Variants in TRAPPC8 observed in about 807,000 individuals in gnomAD.
The protein encoded by TRAPPC8 is general sporulation gene 1 homolog.
Under a neutral mutation model 174.3 loss-of-function variants are expected in TRAPPC8, and 54 were observed. The ratio of observed to expected loss-of-function variants is 0.31; its 90% CI spans 0.25 to 0.39. The LOEUF is 0.39. TRAPPC8 is among the 10% of genes least tolerant of loss of function. TRAPPC8 has a pLI of 1.00. For synonymous variants in TRAPPC8, 630 were observed against 579.9 expected (o/e 1.09, Z -1.24); for missense variants, 1,531 against 1,699.1 (o/e 0.90, Z 1.74).
rs34877961 is a variant in TRAPPC8 at position 31,852,465 on chromosome 18, A to G, written c.3542T>C (p.Ile1181Thr). ...GCATACCTGTTCATTTCCAAAGATG[A>G]TATCTGCAAAGGTATATTTTTCAGA... ...QSSEKYTFAD[I>T]IFGNEQIISS... is the part of the protein sequence containing the mutation. Residue 1181 changes from isoleucine to threonine, a missense_variant, in exon 24 of 29, where the codon ATC becomes ACC. By Grantham distance (89) the Ile-to-Thr change is moderately conservative. Coordinates refer to ENST00000283351, the MANE Select transcript of TRAPPC8 (RefSeq NM_014939.5). 1.4e-4 allele frequency: 223 copies of G among 1,614,186 alleles called. No individual in the cohort carries two copies. The African/African-American group carries it at 1.7e-3, about 13-fold the overall frequency.
intron 2 of TRAPPC8, among the ~76,000 whole-genome samples, chr18:31,919,416 C>G (rs548142029): frequency 8.9e-4 from 135 of 151,368 alleles, no homozygotes; most frequent in Middle Eastern, 3.4e-3. Context: ...TTGTGCAATC[C>G]CAGCTATTCG....
rs773799878 is a variant in TRAPPC8 at position 31,857,644 on chromosome 18, G to C, written c.3084C>G (p.Ala1028=). 4 of 1,613,990 alleles carry C rather than the reference G, an allele frequency of 2.5e-6. No homozygotes were observed. The highest frequency in any genetic ancestry group is 1.7e-5 in the Admixed American group (1 of 59,998). ...PLPDTVLLPG[A]SVQLPMWLRG... is the part of the protein sequence containing the mutation. ...GTAACCACATTGGCAGCTGCACTGA[G>C]GCTCCGGGTAGAAGAACAGTGTCAG... is the stretch of plus-strand genomic sequence containing the variant. Residue 1028 remains alanine, a synonymous_variant, in exon 20 of 29, where the codon GCC becomes GCG. Coordinates refer to ENST00000283351, the MANE Select transcript of TRAPPC8 (RefSeq NM_014939.5).
chr18:31,928,358 C>G (rs1246992705), intron 2 of TRAPPC8, among the ~76,000 whole-genome samples: 2 of 150,950 alleles, frequency 1.3e-5, no homozygotes, highest in African/African-American at 2.4e-5. Flanking sequence ...CACACACACA[C>G]ACACACACAG....
intron 9 of TRAPPC8, among the ~76,000 whole-genome samples, chr18:31,901,305 A>T (rs1001739483): frequency 1.3e-5 from 2 of 152,180 alleles, no homozygotes; most frequent in African/African-American, 4.8e-5. Flanking sequence ...GAAACCTCCA[A>T]GTAGCACTGT....
At chr18:31,838,622 C>T (rs1456773656) in intron 27 of TRAPPC8, among the ~76,000 whole-genome samples, 2 of 152,206 alleles carry the variant, frequency 1.3e-5, no homozygotes, top group Non-Finnish European at 2.9e-5. Flanking sequence ...ATTCTACCCT[C>T]TATACAGTGG....
At chr18:31,932,883 G>A (rs1208357553) in intron 1 of TRAPPC8, among the ~76,000 whole-genome samples, 2 of 151,718 alleles carry the variant, frequency 1.3e-5, no homozygotes, top group African/African-American at 4.8e-5. Context: ...TGGGGACGCT[G>A]AGGCAGGAGA....
intron 5 of TRAPPC8, among the ~76,000 whole-genome samples, chr18:31,910,130 G>A (rs2036846529): frequency 6.6e-6 from 1 of 152,174 alleles, no homozygotes; most frequent in Admixed American, 6.5e-5. Flanking sequence ...GACTACTAGA[G>A]TCAGACGGGG....
At chr18:31,879,842 T>C (rs2035330046) in intron 12 of TRAPPC8, among the ~76,000 whole-genome samples, 1 of 151,588 alleles carries the variant, frequency 6.6e-6, no homozygotes, top group East Asian at 1.9e-4. Context: ...TGAACCTCTA[T>C]GCACACAAAC....
intron 26 of TRAPPC8, among the ~76,000 whole-genome samples, chr18:31,843,304 C>T (rs1944074590): frequency 6.6e-6 from 1 of 152,054 alleles, no homozygotes; most frequent in South Asian, 2.1e-4. Context: ...TTTTACCATT[C>T]ATTAAGTGAG....
chr18:31,920,057 T>C (rs1019584508), intron 2 of TRAPPC8, among the ~76,000 whole-genome samples: 32 of 152,272 alleles, frequency 2.1e-4, no homozygotes, highest in African/African-American at 6.7e-4. Flanking sequence ...CTAATGCATA[T>C]GTAGTACCAA....
chr18:31,937,199 C>T (rs930434528), intron 1 of TRAPPC8, among the ~76,000 whole-genome samples: 6 of 151,890 alleles, frequency 4.0e-5, no homozygotes, highest in East Asian at 3.9e-4. Flanking sequence ...GGTGACAGAG[C>T]GAGACTCCGT....
intron 26 of TRAPPC8, among the ~76,000 whole-genome samples, chr18:31,843,572 T>C (rs1053531554): frequency 6.6e-6 from 1 of 152,204 alleles, no homozygotes. Context: ...GTGCAAACTA[T>C]TAGTATGACT....
At chr18:31,858,799 A>C (rs919444354) in intron 19 of TRAPPC8, among the ~76,000 whole-genome samples, 2 of 152,222 alleles carry the variant, frequency 1.3e-5, no homozygotes, top group Admixed American at 6.5e-5. Context: ...AAGATCTTTA[A>C]GTATACTGGC....
chr18:31,888,754 C>CTAGGGTG (rs2035831879), intron 12 of TRAPPC8, among the ~76,000 whole-genome samples: 1 of 152,054 alleles, frequency 6.6e-6, no homozygotes, highest in African/African-American at 2.4e-5. Flanking sequence ...ACACTGGGGC[C>CTAGGGTG]TGTTGAGGGG....
Position 31,870,956 on chromosome 18 carries a change from T to C in TRAPPC8, c.2227A>G (p.Asn743Asp). Reference protein sequence around the residue: ...TQYCLNSYSDNSRFPLAVVEE... With the variant: ...TQYCLNSYSDDSRFPLAVVEE... ...ACAACTGCAAGTGGAAATCTTGAATTATCTGAGTAACTGTTCAAACAGTAT... is the reference window on the plus strand; with the variant it reads ...ACAACTGCAAGTGGAAATCTTGAATCATCTGAGTAACTGTTCAAACAGTAT... The change falls in exon 15 of 29, where the codon AAT becomes GAT. Residue 743 changes from asparagine to aspartate, a missense_variant. By Grantham distance (23) the Asn-to-Asp change is conservative (BLOSUM62 1). Transcript: ENST00000283351. 6.3e-7 allele frequency: 1 copy of C among 1,578,364 alleles called. No homozygotes were observed. Among genetic ancestry groups the C allele is most frequent in the Non-Finnish European group, 8.6e-7 (1 of 1,159,664 alleles).
At chr18:31,903,603 G>A (rs966862242) in intron 9 of TRAPPC8, among the ~76,000 whole-genome samples, 2 of 152,084 alleles carry the variant, frequency 1.3e-5, no homozygotes, top group Non-Finnish European at 2.9e-5. Flanking sequence ...AGCTCACAAC[G>A]GCTTGCCTTA....
Position 31,840,877 on chromosome 18 carries a change from A to G in TRAPPC8, c.3838-1420T>C, listed in dbSNP as rs544222124. ...CCCATTAACAACTAACAAATTAACC[A>G]TATTATATTCAAGTAACACCCTGGG... On this transcript the variant is annotated intron_variant, in intron 26 of 28. Transcript: ENST00000283351. Among the ~76,000 whole-genome samples the G allele has an allele frequency of 1.8e-4, 27 of 152,172 alleles. No individual in the cohort carries two copies. In the South Asian group the frequency reaches 3.3e-3, roughly 19 times the overall value.
intron 1 of TRAPPC8, among the ~76,000 whole-genome samples, chr18:31,934,987 T>TAAATAAATAAATAAATAAAA (rs760644949): frequency 2.1e-5 from 3 of 146,084 alleles, no homozygotes; most frequent in Non-Finnish European, 4.5e-5. Context: ...AATAAATAAA[T>TAAATAAATAAATAAATAAAA]AAAATGTATT....
chr18:31,857,403 A>G (rs1313617258), intron 20 of TRAPPC8, 137 bp downstream of exon 20: 1 of 822,256 alleles, frequency 1.2e-6, no homozygotes, highest in Admixed American at 3.4e-5. Context: ...ATTTGAGACA[A>G]TTTCAGATAT....
Sources: allele counts gnomAD v4.1 joint callset (sites outside exome capture counted in the v4.1 genomes callset), GRCh38; gene constraint gnomAD v4.1.1; transcripts MANE v1.5; gene names NCBI Gene and HGNC (gene_info 2026-07-23, HGNC 2026-07-21).